The following DLEU7 variants were observed in gnomAD, a reference collection of about 807,000 sequenced individuals.
DLEU7 encodes the protein deleted in lymphocytic leukemia 7.
A neutral mutation model predicts 16.0 loss-of-function variants in DLEU7; 17 were observed. The ratio of observed to expected loss-of-function variants is 1.06; its 90% confidence interval spans 0.73 to 1.59. The LOEUF (loss-of-function observed/expected upper bound fraction) is 1.59, where lower values mean the gene tolerates loss of function less well. Among genes scored for constraint, DLEU7 ranks in the 40% most tolerant of loss-of-function variants. The pLI, the probability that DLEU7 is intolerant of heterozygous loss-of-function variation, is 0.00. For synonymous variants in DLEU7, 113 were observed against 139.8 expected (o/e 0.81, Z 1.35); for missense variants, 308 against 314.9 (o/e 0.98, Z 0.17).
chr13:50,767,945 C>A (rs1351115428), intron 1 of DLEU7, among the ~76,000 whole-genome samples: 1 of 152,240 alleles, frequency 6.6e-6, no homozygotes, highest in Non-Finnish European at 1.5e-5. Flanking sequence ...ACGGGACAAA[C>A]ACTTCTGCCA....
chr13:50,835,824 C>A (rs1328853530), intron 1 of DLEU7, among the ~76,000 whole-genome samples: 1 of 152,220 alleles, frequency 6.6e-6, no homozygotes, highest in East Asian at 1.9e-4. Flanking sequence ...CCTGCAAAAT[C>A]TTAAAACGGA....
At chr13:50,772,044 T>A (rs1243489279) in intron 1 of DLEU7, among the ~76,000 whole-genome samples, 4 of 152,188 alleles carry the variant, frequency 2.6e-5, no homozygotes, top group Non-Finnish European at 5.9e-5. Context: ...CTTTTGATCT[T>A]TGTTGGTTTA....
chr13:50,773,115 A>T (rs1442755801), intron 1 of DLEU7, among the ~76,000 whole-genome samples: 1 of 152,172 alleles, frequency 6.6e-6, no homozygotes, highest in East Asian at 1.9e-4. Flanking sequence ...TTTCAGCTCC[A>T]TCAGGTCATT....
chr13:50,756,119 AG>A (rs1874750493), intron 1 of DLEU7, among the ~76,000 whole-genome samples: 1 of 152,238 alleles, frequency 6.6e-6, no homozygotes, highest in South Asian at 2.1e-4. Context: ...TGGAGGTTGC[AG>A]GGGGGTGAAA....
At chr13:50,753,938 T>C (rs1362841030) in intron 1 of DLEU7, among the ~76,000 whole-genome samples, 1 of 152,266 alleles carries the variant, frequency 6.6e-6, no homozygotes, top group Non-Finnish European at 1.5e-5. Context: ...GACCAAGTGC[T>C]CATTCAGGAG....
upstream of DLEU7, chr13:50,843,737 T>C (rs2137822618): frequency 2.1e-6 from 3 of 1,444,558 alleles, no homozygotes; most frequent in African/African-American, 3.0e-5. This position sits in a 1 kb window ranked among gnomAD's most constrained non-coding sequence, Gnocchi z 5.7. Flanking sequence ...TCACATTTTC[T>C]AACCCGCGGC....
chr13:50,757,965 G>A (rs1293216092), intron 1 of DLEU7, among the ~76,000 whole-genome samples: 1 of 150,718 alleles, frequency 6.6e-6, no homozygotes, highest in Admixed American at 6.6e-5. Flanking sequence ...ATCTAAATAT[G>A]GTAAGTGTGA....
intron 1 of DLEU7, among the ~76,000 whole-genome samples, chr13:50,744,017 C>T (rs758826779): frequency 2.6e-5 from 4 of 152,074 alleles, no homozygotes; most frequent in African/African-American, 4.8e-5. Context: ...TCAGGCTCTG[C>T]CAATGGGTAT....
chr13:50,779,273 A>G (rs1875587511), intron 1 of DLEU7, among the ~76,000 whole-genome samples: 1 of 152,228 alleles, frequency 6.6e-6, no homozygotes, highest in Non-Finnish European at 1.5e-5. Context: ...CTTACGTTCC[A>G]TGAACCAGTA....
chr13:50,783,721 C>T lies in DLEU7; in HGVS notation c.459+59467G>A, dbSNP rs138153115. Among the ~76,000 whole-genome samples the T allele has an allele frequency of 6.9e-3, 1,051 of 152,306 alleles. 8 individuals are homozygous for T. The highest frequency in any genetic ancestry group is 0.011 in the Non-Finnish European group (728 of 68,028). ...GTAAAACATAAAGAAAATAGGTGCT[C>T]ACAAATTCAACACAAAGTGCTGGAG... On this transcript the variant is annotated intron_variant, in intron 1 of 1. Transcript: ENST00000400393.
chr13:50,789,835 CTTAATG>C (rs1875898913), intron 1 of DLEU7, among the ~76,000 whole-genome samples: 1 of 152,164 alleles, frequency 6.6e-6, no homozygotes, highest in African/African-American at 2.4e-5. Context: ...TAGAATTTTT[CTTAATG>C]TTAAGGTCTG....
At chr13:50,713,127 C>T in exon 2 of DLEU7, 2 of 1,473,710 alleles carry the variant, frequency 1.4e-6, no homozygotes, top group East Asian at 2.5e-5. Context: ...GTTTAACATC[C>T]CATCTCATCC....
chr13:50,836,535 G>A (rs1032920370), intron 1 of DLEU7, among the ~76,000 whole-genome samples: 8 of 151,964 alleles, frequency 5.3e-5, no homozygotes, highest in Admixed American at 2.0e-4. Context: ...TTAGCCAGGC[G>A]TGGTGGCAGG....
At chr13:50,751,357 T>C (rs1290776941) in intron 1 of DLEU7, among the ~76,000 whole-genome samples, 1 of 152,220 alleles carries the variant, frequency 6.6e-6, no homozygotes, top group African/African-American at 2.4e-5. Context: ...GATTTTAGCA[T>C]CTATGTTCAT....
At chr13:50,746,371 A>G (rs939850725) in intron 1 of DLEU7, among the ~76,000 whole-genome samples, 1 of 152,200 alleles carries the variant, frequency 6.6e-6, no homozygotes, top group African/African-American at 2.4e-5. Flanking sequence ...AACGTGATTT[A>G]ATCCTTGCTG....
chr13:50,717,532 T>C (rs1292144070), intron 1 of DLEU7, among the ~76,000 whole-genome samples: 6 of 152,034 alleles, frequency 3.9e-5, no homozygotes, highest in South Asian at 2.1e-4. Context: ...TGCTATTAAA[T>C]GCTTATTAAT....
intron 1 of DLEU7, among the ~76,000 whole-genome samples, chr13:50,737,954 T>A (rs376758842): frequency 2.6e-5 from 4 of 151,998 alleles, no homozygotes; most frequent in African/African-American, 9.7e-5. Flanking sequence ...AAGAAAAAAA[T>A]TCCTGAAGCA....
chr13:50,801,207 A>G (rs141295110), intron 1 of DLEU7, among the ~76,000 whole-genome samples: 1 of 152,160 alleles, frequency 6.6e-6, no homozygotes, highest in African/African-American at 2.4e-5. Flanking sequence ...AGTACCTCTC[A>G]GTGGAGAGGA....
intron 1 of DLEU7, among the ~76,000 whole-genome samples, chr13:50,738,911 C>G (rs1874160701): frequency 6.6e-6 from 1 of 151,586 alleles, no homozygotes; most frequent in Non-Finnish European, 1.5e-5. Context: ...CCCTTTCTAC[C>G]TCTCTATCCT....
Sources: gnomAD v4.1 joint callset for allele counts (sites outside exome capture counted in the v4.1 genomes callset) on GRCh38, gnomAD v4.1.1 for gene constraint, Gnocchi (gnomAD v3.1) non-coding constraint, MANE v1.5 for transcripts, NCBI Gene and HGNC (gene_info 2026-07-23, HGNC 2026-07-21) for gene names.